Variants in USH1C observed in about 807,000 individuals in gnomAD.
USH1C encodes USH1 protein network component harmonin.
In USH1C, 90 loss-of-function variants were observed where a neutral mutation model predicts 119.3. That is an observed-to-expected ratio of 0.75 (90% CI 0.64 to 0.90). The LOEUF (loss-of-function observed/expected upper bound fraction) is 0.90, where lower values mean the gene tolerates loss of function less well. Ranked by LOEUF, USH1C falls within the 40% of genes least tolerant of loss-of-function variation. The probability of loss-of-function intolerance (pLI) is 0.00; values close to 1 mark genes in which losing one functional copy is unlikely to be tolerated. For missense variants in USH1C, 1,165 were observed against 1,167.7 expected (o/e 1.00, Z 0.03); for synonymous variants, 465 against 443.3 (o/e 1.05, Z -0.62).
chr11:17,518,646 G>A (rs1468578450), intron 14 of USH1C, among the ~76,000 whole-genome samples: 2 of 152,242 alleles, frequency 1.3e-5, no homozygotes, highest in African/African-American at 4.8e-5. Context: ...TTGGGGGGCA[G>A]TCAGTCCCAG....
intron 20 of USH1C, 82 bp from the exon 21 acceptor site, chr11:17,502,062 G>T: frequency 1.4e-6 from 2 of 1,446,208 alleles, no homozygotes; most frequent in South Asian, 1.2e-5. Context: ...ATGAATGGTC[G>T]GAATCCAAGG....
At chr11:17,494,842 C>T in intron 26 of USH1C, 1 of 275,860 alleles carries the variant, frequency 3.6e-6, no homozygotes, top group Non-Finnish European at 7.1e-6. Flanking sequence ...AGCCACCTGC[C>T]AGCTCTGTCC....
chr11:17,542,719 C>T (rs1851518725), intron 1 of USH1C, among the ~76,000 whole-genome samples: 2 of 152,156 alleles, frequency 1.3e-5, no homozygotes, highest in Admixed American at 1.3e-4. Flanking sequence ...GAAATTCAAC[C>T]CTGAGTCTTG....
chr11:17,523,409 C>T lies in USH1C; in HGVS notation c.819+10G>A. ...ACAAGGGCCAACAGGTGAAGACCCCCACATCTCACCTCCTTGTGATCCAGG... is the reference window on the plus strand; with the variant it reads ...ACAAGGGCCAACAGGTGAAGACCCCTACATCTCACCTCCTTGTGATCCAGG... On this transcript the variant is annotated intron_variant, in intron 10 of 26. Transcript: ENST00000005226. 6.2e-7 allele frequency: 1 copy of T among 1,614,160 alleles called. No homozygotes were observed. Among genetic ancestry groups the T allele is most frequent in the Non-Finnish European group, 8.5e-7 (1 of 1,180,010 alleles).
chr11:17,504,719 A>AAG, intron 19 of USH1C, 22 bp from the exon 20 acceptor site: 1 of 1,609,482 alleles, frequency 6.2e-7, no homozygotes. Flanking sequence ...AAAAAAAAAA[A>AAG]GTTCCACATT....
chr11:17,498,226 A>AT lies in USH1C; in HGVS notation c.2425dup (p.Ile809AsnfsTer9). 6.2e-7 allele frequency: 1 copy of AT among 1,614,086 alleles called. No individual in the cohort carries two copies. The highest frequency in any genetic ancestry group is 8.5e-7 in the Non-Finnish European group (1 of 1,180,000). ...CTCAGCCAGGGTGTAGTCTGTCACA[A>AT]TCTTGCCGTTGATTGCCATGATCTC... is the stretch of plus-strand genomic sequence containing the variant. On this transcript the variant is annotated frameshift_variant, in exon 24 of 27. Coordinates refer to ENST00000005226, the MANE Select transcript of USH1C (RefSeq NM_153676.4). LOFTEE classifies it high-confidence loss of function.
Position 17,496,757 on chromosome 11 carries a change from C to G in USH1C, c.2546+1G>C. 1 of 1,614,224 alleles carries G rather than the reference C, an allele frequency of 6.2e-7. No individual in the cohort carries two copies. Among genetic ancestry groups the G allele is most frequent in the Non-Finnish European group, 8.5e-7 (1 of 1,180,004 alleles). On this transcript the variant is annotated splice_donor_variant, in intron 25 of 26. Transcript: ENST00000005226. LOFTEE classifies it high-confidence loss of function. ...CAGGCTAGGTGCTTGCACACACTTA[C>G]AGCTCATCGTCATACTCCTTTGGGG...
At chr11:17,543,023 C>T (rs1851535198) in intron 1 of USH1C, among the ~76,000 whole-genome samples, 1 of 152,240 alleles carries the variant, frequency 6.6e-6, no homozygotes, top group Non-Finnish European at 1.5e-5. Flanking sequence ...CCTCAACACG[C>T]AGCACTCAGA....
In USH1C at chr11:17,505,775, G is replaced by A. The variant is rs1003272817; in HGVS notation, c.2133+55C>T. ...TCCAGAGACAGCAGAGCCCAGGGGA[G>A]GTAGCCCTGGTCTGCTCCTCTAGAG... On this transcript the variant is annotated intron_variant, in intron 19 of 26. Coordinates refer to ENST00000005226, the MANE Select transcript of USH1C (RefSeq NM_153676.4). The A allele has an allele frequency of 5.1e-5, 82 of 1,612,112 alleles. 1 individual carries two copies. The Middle Eastern group carries it at 8.6e-4, about 17-fold the overall frequency.
At chr11:17,532,053 G>A (rs1038390465) in intron 2 of USH1C, among the ~76,000 whole-genome samples, 2 of 152,096 alleles carry the variant, frequency 1.3e-5, no homozygotes, top group African/African-American at 2.4e-5. Flanking sequence ...CCCTTTGATG[G>A]CCCCTTACTG....
chr11:17,520,733 C>A (rs1171731513), intron 14 of USH1C, 137 bp downstream of exon 14: 16 of 1,069,820 alleles, frequency 1.5e-5, no homozygotes, highest in Non-Finnish European at 2.3e-5. Flanking sequence ...GGTCTCTGAC[C>A]CACAGCTGCC....
At chr11:17,528,549 C>T (rs1056075656) in intron 4 of USH1C, among the ~76,000 whole-genome samples, 3 of 152,238 alleles carry the variant, frequency 2.0e-5, no homozygotes, top group African/African-American at 7.2e-5. Flanking sequence ...ACTCGAAACA[C>T]ACGTGCTCAC....
chr11:17,518,482 C>T (rs539831058), intron 14 of USH1C, among the ~76,000 whole-genome samples: 22 of 152,294 alleles, frequency 1.4e-4, no homozygotes, highest in African/African-American at 4.8e-4. Flanking sequence ...TCCTGCATAA[C>T]CACCTACATA....
intron 7 of USH1C, 123 bp from the exon 8 acceptor site, chr11:17,526,564 C>A: frequency 8.9e-7 from 1 of 1,129,926 alleles, no homozygotes; most frequent in South Asian, 1.3e-5. Context: ...CATTCCGTCC[C>A]TGGGGATGTG....
chr11:17,506,672 C>A (rs956877361), intron 18 of USH1C, among the ~76,000 whole-genome samples: 1 of 152,212 alleles, frequency 6.6e-6, no homozygotes, highest in Non-Finnish European at 1.5e-5. Flanking sequence ...TGCCTTGAGG[C>A]CTTTGCACGT....
chr11:17,513,995 G>A (rs11024315), intron 15 of USH1C, among the ~76,000 whole-genome samples: 75,795 of 152,050 alleles, frequency 0.5, 19,957 homozygotes, highest in East Asian at 0.63. Flanking sequence ...CCCCACACAG[G>A]TTACTTAGCT....
At chr11:17,530,730 C>A (rs1478549652) in intron 4 of USH1C, among the ~76,000 whole-genome samples, 1 of 152,204 alleles carries the variant, frequency 6.6e-6, no homozygotes. Context: ...ACAGCAAAGC[C>A]AGAATTGAAC....
In USH1C at chr11:17,509,703, TG is replaced by T. The variant is rs1565033506; in HGVS notation, c.1665del (p.Lys556ArgfsTer8). ...DIPLDMFYYP[P>X]KTPSALPVMP... ...ATCACAGGCAAGGCAGAGGGAGTCTTGGGGGGATAGTAGAACATGTCCAAAG... is the reference window on the plus strand; with the variant it reads ...ATCACAGGCAAGGCAGAGGGAGTCTTGGGGGATAGTAGAACATGTCCAAAG... On this transcript the variant is annotated frameshift_variant, in exon 18 of 27. Coordinates refer to ENST00000005226, the MANE Select transcript of USH1C (RefSeq NM_153676.4). LOFTEE classifies it high-confidence loss of function. 1.9e-6 allele frequency: 3 copies of T among 1,594,516 alleles called. No individual in the cohort carries two copies.
At chr11:17,511,381 G>A (rs774703499) in intron 16 of USH1C, among the ~76,000 whole-genome samples, 2 of 152,114 alleles carry the variant, frequency 1.3e-5, no homozygotes, top group African/African-American at 4.8e-5. Context: ...AGGGAGGCCA[G>A]AGTGATTCAG....
Sources: allele counts gnomAD v4.1 joint callset (sites outside exome capture counted in the v4.1 genomes callset), GRCh38; gene constraint gnomAD v4.1.1; transcripts MANE v1.5; gene names NCBI Gene and HGNC (gene_info 2026-07-23, HGNC 2026-07-21).